The following PCDH15 variants were observed in gnomAD, a reference collection of about 807,000 sequenced individuals.
The protein encoded by PCDH15 is protocadherin-15.
Under a neutral mutation model 178.5 loss-of-function variants are expected in PCDH15, and 129 were observed. The observed-to-expected ratio is 0.72, with a 90% CI of 0.63 to 0.84. The LOEUF is 0.84. Among genes scored for constraint, PCDH15 ranks in the 40% least tolerant of loss-of-function variants. The pLI is 0.00. For missense variants in PCDH15, 2,230 were observed against 2,099.9 expected, an observed-to-expected ratio of 1.06 and a Z score of -1.21; for synonymous variants, 800 against 732.0, an observed-to-expected ratio of 1.09 and a Z score of -1.50.
intron 2 of PCDH15, among the ~76,000 whole-genome samples, chr10:55,060,805 A>C (rs1841410238): frequency 1.3e-5 from 2 of 152,092 alleles, no homozygotes; most frequent in Admixed American, 1.3e-4. Flanking sequence ...ACAGGAGAAA[A>C]AACAATACAA....
chr10:54,200,322 T>C (rs4935503), intron 10 of PCDH15, among the ~76,000 whole-genome samples: 127,247 of 141,702 alleles, frequency 0.9, 57,299 homozygotes, highest in East Asian at 0.98. Context: ...ATGTGCAGAA[T>C]GTGCAGGTTT....
chr10:54,038,015 C>A (rs1199971302), intron 18 of PCDH15, among the ~76,000 whole-genome samples: 1 of 151,846 alleles, frequency 6.6e-6, no homozygotes, highest in Non-Finnish European at 1.5e-5. Flanking sequence ...AAAGACTGGG[C>A]TCAGAGGATC....
chr10:54,883,753 CAT>C (rs147453773), intron 3 of PCDH15, among the ~76,000 whole-genome samples: 4,135 of 151,970 alleles, frequency 0.027, 181 homozygotes, highest in African/African-American at 0.091. Flanking sequence ...TAATAACAAA[CAT>C]ATCACTTTCA....
At chr10:55,029,048 A>G (rs1159518757) in intron 2 of PCDH15, among the ~76,000 whole-genome samples, 1 of 152,160 alleles carries the variant, frequency 6.6e-6, no homozygotes, top group East Asian at 1.9e-4. Flanking sequence ...TGTACCAATA[A>G]GGAGAGTGAG....
rs184190429 is a variant in PCDH15 at position 53,979,448 on chromosome 10, T to C, written c.2868+16201A>G. ...AGATTATGGGAACTACGGTTCAAGATGAGATTTGGGTGAGGACACAGCAAA... is the reference window on the plus strand; with the variant it reads ...AGATTATGGGAACTACGGTTCAAGACGAGATTTGGGTGAGGACACAGCAAA... On this transcript the variant is annotated intron_variant, in intron 21 of 37. Transcript: ENST00000644397. Among the ~76,000 whole-genome samples the C allele has an allele frequency of 6.6e-5, 10 of 152,316 alleles. No homozygotes were observed. In the East Asian group the frequency reaches 1.9e-3, roughly 29 times the overall value.
chr10:55,365,362 C>T (rs1484086379), intron 2 of PCDH15, among the ~76,000 whole-genome samples: 1 of 152,142 alleles, frequency 6.6e-6, no homozygotes, highest in Non-Finnish European at 1.5e-5. Flanking sequence ...TTCTCCTTTC[C>T]CCTTGGATCA....
At chr10:54,150,487 TTC>T (rs1399704394) in intron 14 of PCDH15, among the ~76,000 whole-genome samples, 5 of 152,098 alleles carry the variant, frequency 3.3e-5, no homozygotes, top group Non-Finnish European at 5.9e-5. Context: ...AATCATCCAT[TTC>T]TGTTTTCAAA....
intron 3 of PCDH15, among the ~76,000 whole-genome samples, chr10:54,418,664 CTT>C (rs1200057774): frequency 1.9e-4 from 29 of 151,562 alleles, no homozygotes; most frequent in African/African-American, 6.8e-4. Context: ...TCTAACTGTA[CTT>C]AATAGCTAAT....
intron 1 of PCDH15, among the ~76,000 whole-genome samples, chr10:55,189,691 C>CT (rs1341533982): frequency 6.6e-5 from 10 of 151,816 alleles, no homozygotes; most frequent in South Asian, 4.1e-4. Flanking sequence ...GCATGAGTTT[C>CT]TTTTTCTTTT....
intron 1 of PCDH15, among the ~76,000 whole-genome samples, chr10:55,303,156 G>A (rs1334905412): frequency 6.6e-6 from 1 of 152,054 alleles, no homozygotes; most frequent in Non-Finnish European, 1.5e-5. Context: ...ATTCATGACA[G>A]TTATAGTCCT....
intron 1 of PCDH15, among the ~76,000 whole-genome samples, chr10:55,209,170 A>G (rs1305822031): frequency 6.6e-6 from 1 of 152,098 alleles, no homozygotes. Context: ...ACCTTGTAAC[A>G]TGATACATTC....
At chr10:54,684,587 C>T (rs981873245) in intron 1 of PCDH15, among the ~76,000 whole-genome samples, 1 of 151,758 alleles carries the variant, frequency 6.6e-6, no homozygotes, top group Non-Finnish European at 1.5e-5. Flanking sequence ...CAAGTTGAAG[C>T]TATTACAAAA....
At chr10:54,225,023 A>G (rs1428021640) in intron 9 of PCDH15, among the ~76,000 whole-genome samples, 2 of 152,136 alleles carry the variant, frequency 1.3e-5, no homozygotes, top group Admixed American at 1.3e-4. Context: ...ATTAGGGAAA[A>G]CTAAAATTCT....
chr10:54,218,525 T>C (rs1284259969), intron 9 of PCDH15, among the ~76,000 whole-genome samples: 1 of 151,114 alleles, frequency 6.6e-6, no homozygotes, highest in African/African-American at 2.5e-5. Context: ...TTTCTTTCTA[T>C]CTCTTCCCTC....
At chr10:54,771,048 G>A (rs186683101) in intron 1 of PCDH15, among the ~76,000 whole-genome samples, 81 of 152,078 alleles carry the variant, frequency 5.3e-4, no homozygotes, top group African/African-American at 1.7e-3. Context: ...GAAATGCCAC[G>A]CTTACCCCTT....
intron 2 of PCDH15, among the ~76,000 whole-genome samples, chr10:55,463,301 C>A (rs1839719564): frequency 6.6e-6 from 1 of 151,926 alleles, no homozygotes; most frequent in African/African-American, 2.4e-5. Context: ...TGTATATCAT[C>A]CTGTAGATAT....
At chr10:55,060,122 C>T (rs1461007251) in intron 2 of PCDH15, among the ~76,000 whole-genome samples, 1 of 151,974 alleles carries the variant, frequency 6.6e-6, no homozygotes, top group African/African-American at 2.4e-5. Context: ...ACTACAGTCT[C>T]ATATGATTCG....
At chr10:54,801,500 T>C (rs1952646930), upstream of PCDH15, among the ~76,000 whole-genome samples, 3 of 152,226 alleles carry the variant, frequency 2.0e-5, no homozygotes, top group Non-Finnish European at 4.4e-5. Context: ...TGTCTGATGA[T>C]TCTCTGTTCT....
intron 2 of PCDH15, among the ~76,000 whole-genome samples, chr10:55,134,933 C>A (rs1468401892): frequency 2.0e-5 from 3 of 152,136 alleles, no homozygotes; most frequent in Non-Finnish European, 4.4e-5. Flanking sequence ...GGTGTGTTTA[C>A]TAGCCCCTTC....
Sources: allele counts gnomAD v4.1 joint callset (sites outside exome capture counted in the v4.1 genomes callset), GRCh38; gene constraint gnomAD v4.1.1; transcripts MANE v1.5; gene names NCBI Gene and HGNC (gene_info 2026-07-23, HGNC 2026-07-21).